SYNCRIP: variants seen among roughly 807,000 people sequenced by gnomAD.
SYNCRIP encodes the protein synaptotagmin binding cytoplasmic RNA interacting protein.
In SYNCRIP, 9 loss-of-function variants were observed where a neutral mutation model predicts 68.9. The observed-to-expected ratio is 0.13, with a 90% CI of 0.08 to 0.23. SYNCRIP has a LOEUF of 0.23. Ranked by LOEUF, SYNCRIP falls within the 10% of genes least tolerant of loss-of-function variation. The probability of loss-of-function intolerance (pLI) is 1.00; values close to 1 mark genes in which losing one functional copy is unlikely to be tolerated. For missense variants in SYNCRIP, 414 were observed against 770.6 expected (o/e 0.54, Z 5.48); for synonymous variants, 258 against 254.0 (o/e 1.02, Z -0.15).
chr6:85,617,141 C>T (rs1284802049), intron 10 of SYNCRIP, among the ~76,000 whole-genome samples: 8 of 150,734 alleles, frequency 5.3e-5, no homozygotes, highest in African/African-American at 7.3e-5. Flanking sequence ...GGATAGAGTA[C>T]CTAACTCACA....
At chr6:85,620,325 T>C (rs1453741189) in intron 8 of SYNCRIP, among the ~76,000 whole-genome samples, 1 of 152,172 alleles carries the variant, frequency 6.6e-6, no homozygotes, top group Non-Finnish European at 1.5e-5. Context: ...TTGTGGCACA[T>C]ACAGAAGGAA....
chr6:85,609,516 G>A (rs1385912725), downstream of SYNCRIP: 1 of 151,892 alleles, frequency 6.6e-6, no homozygotes, highest in Non-Finnish European at 1.5e-5. Context: ...AGTTTCTTAA[G>A]CTAAAAACTG....
At chr6:85,638,411 G>T (rs1370217826) in intron 4 of SYNCRIP, among the ~76,000 whole-genome samples, 5 of 80,676 alleles carry the variant, frequency 6.2e-5, no homozygotes, top group African/African-American at 1.7e-4. Flanking sequence ...AAAAAAAAAG[G>T]TACACTCCTC....
chr6:85,619,497 T>C (rs1806148437), intron 8 of SYNCRIP, 80 bp from the exon 9 acceptor site: 1 of 1,310,632 alleles, frequency 7.6e-7, no homozygotes, highest in African/African-American at 1.5e-5. Context: ...CCTACAAAGT[T>C]AACTCAAATC....
Position 85,615,171 on chromosome 6 carries a change from T to C in SYNCRIP, c.1457A>G (p.Tyr486Cys), listed in dbSNP as rs376320110. The C allele has an allele frequency of 1.1e-5, 17 of 1,613,160 alleles. No individual in the cohort carries two copies. Among genetic ancestry groups the C allele is most frequent in the Non-Finnish European group, 1.4e-5 (16 of 1,179,798 alleles). ...NYRGGYEDPY[Y>C]GYEDFQVGAR... ...TCCAACTTGAAAATCTTCATAACCA[T>C]AGTATGGATCTTCATATCCACCACG... is the stretch of plus-strand genomic sequence containing the variant. The change falls in exon 11 of 11, where the codon TAT (tyrosine) becomes TGT (cysteine). Residue 486 changes from tyrosine (Y) to cysteine (C), a missense_variant. By Grantham distance (194) the Tyr-to-Cys change is radical. Around this residue, in one of 6 missense-constraint regions of SYNCRIP, gnomAD observed 72 missense variants for 119.8 expected, o/e 0.60. Coordinates refer to ENST00000369622, the MANE Select transcript of SYNCRIP (RefSeq NM_006372.5).
intron 6 of SYNCRIP, among the ~76,000 whole-genome samples, chr6:85,631,341 A>AAAAAAAAAAAAAAAAAAAAAAAAAG (rs1562099796): frequency 1.4e-5 from 2 of 146,972 alleles, no homozygotes; most frequent in African/African-American, 5.1e-5. Context: ...TGTGTCTCCA[A>AAAAAAAAAAAAAAAAAAAAAAAAAG]AAAAAAAAAA....
At chr6:85,621,229 T>C (rs1340011770) in intron 8 of SYNCRIP, among the ~76,000 whole-genome samples, 1 of 152,326 alleles carries the variant, frequency 6.6e-6, no homozygotes, top group African/African-American at 2.4e-5. Flanking sequence ...ATAATATTCA[T>C]AGCTCCCTGG....
rs1476220461 is a variant in SYNCRIP, at chr6:85,615,315, T to A, written c.1313A>T (p.His438Leu). The A allele has an allele frequency of 1.3e-6, 2 of 1,554,222 alleles. No individual in the cohort carries two copies. Among genetic ancestry groups the A allele is most frequent in the African/African-American group, 2.7e-5 (2 of 73,338 alleles). The change falls in exon 11 of 11, where the codon CAT becomes CTT. Residue 438 changes from histidine (H) to leucine (L), a missense_variant. His to Leu is a moderately conservative substitution (Grantham distance 99, BLOSUM62 -3). Around this residue, in one of 6 missense-constraint regions of SYNCRIP, gnomAD observed 72 missense variants for 119.8 expected, o/e 0.60. Coordinates refer to ENST00000369622, the MANE Select transcript of SYNCRIP (RefSeq NM_006372.5). ...YDDYYYYGPPHMPPPTRGRGR... is the reference protein window; with the variant it reads ...YDDYYYYGPPLMPPPTRGRGR... ...TCGACCTCTTGTTGGAGGGGGCATA[T>A]GAGGTGGACCATAATAGTAGTAATC...
chr6:85,627,262 C>A, intron 6 of SYNCRIP, among the ~76,000 whole-genome samples: 1 of 136,952 alleles, frequency 7.3e-6, no homozygotes, highest in East Asian at 2.2e-4. Flanking sequence ...AGCAAGACTC[C>A]ATCTCTACAA....
intron 10 of SYNCRIP, 75 bp downstream of exon 10, chr6:85,618,743 C>G (rs1426508122): frequency 1.5e-6 from 2 of 1,299,210 alleles, no homozygotes; most frequent in Non-Finnish European, 2.1e-6. Context: ...CAAGTCTGAT[C>G]AACACCTGTT....
rs1806679839 is a variant in SYNCRIP, at chr6:85,623,571, A to AAAAAAAAAAAAC, written c.802+405_802+406insGTTTTTTTTTTT. ...AAAGCAAGACTGTCTCCAAAAAAAA[A>AAAAAAAAAAAAC]AAAAAAAAAAAACACTCTGCTACGG... On this transcript the variant is annotated intron_variant, in intron 7 of 10. Transcript: ENST00000369622. Among the ~76,000 whole-genome samples, 11 of 147,970 alleles carry AAAAAAAAAAAAC rather than the reference A, an allele frequency of 7.4e-5. No homozygotes were observed. The East Asian group carries it at 9.8e-4, about 13-fold the overall frequency.
At chr6:85,634,127 TTAA>T (rs1396226088) in intron 6 of SYNCRIP, among the ~76,000 whole-genome samples, 2 of 152,180 alleles carry the variant, frequency 1.3e-5, no homozygotes, top group Admixed American at 6.6e-5. Context: ...AAAAACTATA[TTAA>T]TAAGACTATA....
intron 6 of SYNCRIP, among the ~76,000 whole-genome samples, chr6:85,625,576 C>A (rs527696674): frequency 6.6e-6 from 1 of 151,956 alleles, no homozygotes; most frequent in Non-Finnish European, 1.5e-5. Context: ...TTAGTAGAGA[C>A]GGGGTTTCAC....
downstream of SYNCRIP, chr6:85,612,713 A>G (rs1213460272): frequency 5.4e-6 from 3 of 558,310 alleles, no homozygotes; most frequent in Non-Finnish European, 8.6e-6. Context: ...AATTCATATC[A>G]AAGTCCAAGT....
At chr6:85,636,139 T>C (rs1048872664) in intron 6 of SYNCRIP, among the ~76,000 whole-genome samples, 6 of 152,180 alleles carry the variant, frequency 3.9e-5, no homozygotes, top group African/African-American at 1.4e-4. Context: ...TAAACTATAA[T>C]TTAAAATATT....
At chr6:85,623,484 A>C (rs1489129124) in intron 7 of SYNCRIP, among the ~76,000 whole-genome samples, 1 of 144,534 alleles carries the variant, frequency 6.9e-6, no homozygotes, top group Non-Finnish European at 1.5e-5. Context: ...GAATCCCTTG[A>C]ATCTGGGAGG....
At position 85,636,473 on chromosome 6, in the gene SYNCRIP, C is replaced by T. The variant is rs376789954; in HGVS notation, c.666+494G>A. 5.3e-5 allele frequency among the ~76,000 whole-genome samples: 8 copies of T among 151,916 alleles called. No homozygotes were observed. The East Asian group carries it at 1.5e-3, about 29-fold the overall frequency. ...AAAGAAAAGAAAAAAGAAAAATTTC[C>T]TTTTTAAAAAAGTTGGAAAGATTAC... On this transcript the variant is annotated intron_variant, in intron 6 of 10. Transcript: ENST00000369622.
At chr6:85,638,397 A>T (rs1044445089) in intron 4 of SYNCRIP, among the ~76,000 whole-genome samples, 4 of 150,258 alleles carry the variant, frequency 2.7e-5, no homozygotes, top group Non-Finnish European at 4.5e-5. Context: ...AAAAAAAAAA[A>T]AAAAAAAAAA....
chr6:85,618,006 T>G (rs757248668), intron 10 of SYNCRIP, among the ~76,000 whole-genome samples: 1 of 152,190 alleles, frequency 6.6e-6, no homozygotes, highest in Non-Finnish European at 1.5e-5. Flanking sequence ...TGTTTTCTTA[T>G]TGCACTACTG....
Sources: allele counts gnomAD v4.1 joint callset (sites outside exome capture counted in the v4.1 genomes callset), GRCh38; gene constraint gnomAD v4.1.1; regional missense constraint gnomAD v4.1.1; transcripts MANE v1.5; gene names NCBI Gene and HGNC (gene_info 2026-07-23, HGNC 2026-07-21).